The following PHF24 variants were observed in gnomAD, a reference collection of about 807,000 sequenced individuals.
The protein encoded by PHF24 is PHD finger protein 24, also known as Galpha inhibitory interacting protein.
A neutral mutation model predicts 42.6 loss-of-function variants in PHF24; 25 were observed. That is an observed-to-expected ratio of 0.59 (90% confidence interval 0.43 to 0.82). The LOEUF is 0.82. Among genes scored for constraint, PHF24 ranks in the 40% least tolerant of loss-of-function variants. The pLI is 0.00. For synonymous variants in PHF24, 185 were observed against 204.8 expected, an observed-to-expected ratio of 0.90 and a Z score of 0.83; for missense variants, 470 against 538.1, an observed-to-expected ratio of 0.87 and a Z score of 1.25.
the PHF24 span, among the ~76,000 whole-genome samples, chr9:34,809,378 G>A: frequency 1.3e-5 from 2 of 151,886 alleles, no homozygotes; most frequent in Non-Finnish European, 2.9e-5. This position sits in a 1 kb window ranked among gnomAD's most constrained non-coding sequence, Gnocchi z 4.1. Context: ...CACTTTCTTC[G>A]AAGCACGTGG....
chr9:34,679,136 A>G, the PHF24 span, among the ~76,000 whole-genome samples: 1 of 152,262 alleles, frequency 6.6e-6, no homozygotes, highest in Non-Finnish European at 1.5e-5. Flanking sequence ...AGCAAGGACC[A>G]TGGGGAATCC....
At chr9:34,917,548 G>A in the PHF24 span, 1 of 775,796 alleles carries the variant, frequency 1.3e-6, no homozygotes, top group Non-Finnish European at 2.4e-6. Context: ...TCGACGTGAT[G>A]AGCAACCAGC....
chr9:34,857,115 T>C, the PHF24 span, among the ~76,000 whole-genome samples: 1 of 152,116 alleles, frequency 6.6e-6, no homozygotes, highest in East Asian at 1.9e-4. Flanking sequence ...AACAGCTGAC[T>C]CAAACCACAG....
chr9:34,875,942 A>ACTCTCTCTCTCTCT, the PHF24 span, among the ~76,000 whole-genome samples: 4 of 86,882 alleles, frequency 4.6e-5, no homozygotes, highest in African/African-American at 2.1e-4. Context: ...ACACACACAC[A>ACTCTCTCTCTCTCT]CACACACACT....
At chr9:34,733,824 A>G in the PHF24 span, among the ~76,000 whole-genome samples, 1 of 152,108 alleles carries the variant, frequency 6.6e-6, no homozygotes, top group African/African-American at 2.4e-5. Context: ...GTTTTAAGTC[A>G]CACTTAGAAA....
At chr9:34,737,786 C>A in the PHF24 span, among the ~76,000 whole-genome samples, 1 of 152,084 alleles carries the variant, frequency 6.6e-6, no homozygotes, top group Non-Finnish European at 1.5e-5. Context: ...CAAAAATTGA[C>A]ACGATATTTA....
At chr9:34,927,670 G>C in the PHF24 span, among the ~76,000 whole-genome samples, 60 of 152,226 alleles carry the variant, frequency 3.9e-4, no homozygotes, top group African/African-American at 1.3e-3. Context: ...CAATCCAGGT[G>C]GGGGAGACAG....
the PHF24 span, among the ~76,000 whole-genome samples, chr9:34,874,611 G>T: frequency 6.6e-6 from 1 of 151,892 alleles, no homozygotes; most frequent in Non-Finnish European, 1.5e-5. Context: ...CTAATAGGGG[G>T]AATTACTAAA....
the PHF24 span, chr9:34,689,740 C>T: frequency 1.3e-6 from 2 of 1,555,426 alleles, no homozygotes; most frequent in Non-Finnish European, 1.8e-6. This position sits in a 1 kb window ranked among gnomAD's most constrained non-coding sequence, Gnocchi z 4.1. Flanking sequence ...GTCCTTCCTT[C>T]TGGTCCTCGG....
chr9:34,783,012 CCTAT>C, the PHF24 span, among the ~76,000 whole-genome samples: 1 of 152,310 alleles, frequency 6.6e-6, no homozygotes, highest in East Asian at 1.9e-4. Context: ...CTGTTTCTGA[CCTAT>C]CTCTTTTCTT....
the PHF24 span, among the ~76,000 whole-genome samples, chr9:34,944,889 T>A: frequency 0.22 from 28,993 of 129,014 alleles, 3,465 homozygotes; most frequent in East Asian, 0.6. Flanking sequence ...CTTGTCTCTT[T>A]AAAAAAAAAA....
the PHF24 span, among the ~76,000 whole-genome samples, chr9:34,711,247 ATCTT>A: frequency 1.9e-3 from 277 of 148,896 alleles, no homozygotes; most frequent in Non-Finnish European, 3.2e-3. Flanking sequence ...ACTAGCTTTT[ATCTT>A]TTTTTTTTTT....
At chr9:34,732,527 A>G in the PHF24 span, among the ~76,000 whole-genome samples, 1 of 152,106 alleles carries the variant, frequency 6.6e-6, no homozygotes, top group East Asian at 1.9e-4. Context: ...CCTTGTCCAG[A>G]TGAATAGTTT....
chr9:34,966,827 G>A lies in PHF24; in HGVS notation c.-4-4468G>A, dbSNP rs1319997661. On this transcript the variant is annotated intron_variant, in intron 1 of 7. Coordinates refer to ENST00000242315, the Ensembl canonical transcript of PHF24. ...AGCAATCCTCATGCTTCAGCCTCCC[G>A]AGTAGCTGGGATTATAGGAGCAAAT... Among the ~76,000 whole-genome samples, 5 of 152,098 alleles carry A rather than the reference G, an allele frequency of 3.3e-5. No individual in the cohort carries two copies. The South Asian group carries it at 8.3e-4, about 25-fold the overall frequency.
At chr9:34,696,747 C>A in the PHF24 span, among the ~76,000 whole-genome samples, 3 of 152,104 alleles carry the variant, frequency 2.0e-5, no homozygotes, top group Admixed American at 2.0e-4. Context: ...CCTTCAAATC[C>A]CCCTGAATCT....
At chr9:34,844,066 A>G in the PHF24 span, among the ~76,000 whole-genome samples, 1 of 152,038 alleles carries the variant, frequency 6.6e-6, no homozygotes, top group African/African-American at 2.4e-5. Flanking sequence ...CTTCTAGGTT[A>G]TTTAATTTGT....
At chr9:34,835,447 T>C in the PHF24 span, 1 of 1,551,832 alleles carries the variant, frequency 6.4e-7, no homozygotes, top group Non-Finnish European at 8.7e-7. Flanking sequence ...GACTGAGAAA[T>C]GGCAGGTGGG....
the PHF24 span, among the ~76,000 whole-genome samples, chr9:34,898,138 C>A: frequency 6.6e-6 from 1 of 152,150 alleles, no homozygotes; most frequent in Non-Finnish European, 1.5e-5. Context: ...TAAACATGCA[C>A]GTGCAAGTAT....
At chr9:34,681,930 C>G in the PHF24 span, among the ~76,000 whole-genome samples, 1 of 152,312 alleles carries the variant, frequency 6.6e-6, no homozygotes, top group Non-Finnish European at 1.5e-5. Context: ...AAGAAGGTGG[C>G]TGGCTGGTTG....
Sources: allele counts gnomAD v4.1 joint callset (sites outside exome capture counted in the v4.1 genomes callset), GRCh38; gene constraint gnomAD v4.1.1; non-coding constraint Gnocchi (gnomAD v3.1); transcripts MANE v1.5; gene names NCBI Gene and HGNC (gene_info 2026-07-23, HGNC 2026-07-21).